The following ALKAL2 variants were observed in gnomAD, a reference collection of about 807,000 sequenced individuals.
ALKAL2 encodes ALK and LTK ligand 2, also known as AUG-alpha.
Under a neutral mutation model 18.5 loss-of-function variants are expected in ALKAL2, and 8 were observed. That is an observed-to-expected ratio of 0.43 (90% CI 0.25 to 0.78). The LOEUF is 0.78. Among genes scored for constraint, ALKAL2 ranks in the 30% least tolerant of loss-of-function variants. The pLI, the probability that ALKAL2 is intolerant of heterozygous loss-of-function variation, is 0.22. For missense variants in ALKAL2, 241 were observed against 211.2 expected (o/e 1.14, Z -0.88); for synonymous variants, 135 against 95.8 (o/e 1.41, Z -2.39).
In ALKAL2 at chr2:287,757, C is replaced by T. The variant is rs757526362; in HGVS notation, c.79G>A (p.Glu27Lys). 38 of 1,440,922 alleles carry T rather than the reference C, an allele frequency of 2.6e-5. No homozygotes were observed. The South Asian group carries it at 5.2e-4, about 20-fold the overall frequency. The allele number at this position is 1,440,922 out of a possible 1,614,324, so 89.3% of individuals were successfully genotyped here. A position where few individuals can be genotyped will look rare whatever the true frequency, so the allele number is the denominator to read the frequency against. Residue 27 changes from glutamate to lysine, a missense_variant, in exon 2 of 6, where the codon GAG becomes AAG. By Grantham distance (56) the Glu-to-Lys change is moderately conservative. Coordinates refer to ENST00000403610, the MANE Select transcript of ALKAL2 (RefSeq NM_001002919.3). The stretch of plus-strand genomic sequence containing the variant: ...TGTCCGTCCGCCGGCTCCCGGGGCT[C>T]CGCGCCCCCCCGGCCGCGCCCCGCC... ...GAAGRGRGGA[E>K]PREPADGQAL...
At position 283,097 on chromosome 2, in the gene ALKAL2, C is replaced by G. The variant is rs772381275; in HGVS notation, c.453+14G>C. 3.7e-6 allele frequency: 6 copies of G among 1,607,906 alleles called. No individual in the cohort carries two copies. The highest frequency in any genetic ancestry group is 3.4e-5 in the South Asian group (3 of 89,310). ...CTTTGGTATGTGCTCCAGTGTGTGT[C>G]TGTCCAAGCTTACCTTATCCTCCAT... is the stretch of plus-strand genomic sequence containing the variant. On this transcript the variant is annotated intron_variant, in intron 5 of 5. Transcript: ENST00000403610.
chr2:287,508 T>G lies in ALKAL2; in HGVS notation c.253+75A>C, dbSNP rs531608369. On this transcript the variant is annotated intron_variant, in intron 2 of 5. Transcript: ENST00000403610. ...TTCAGTGGTCAAAATTGATGTCTCT[T>G]TTTGAAACGTGTTTCTCAAAGACAA... is the stretch of plus-strand genomic sequence containing the variant. 4 of 1,158,252 alleles carry G rather than the reference T, an allele frequency of 3.5e-6. No individual in the cohort carries two copies. The African/African-American group carries it at 6.5e-5, about 19-fold the overall frequency. The allele number at this position is 1,158,252 out of a possible 1,614,324, so 71.7% of individuals were successfully genotyped here.
Position 279,967 on chromosome 2 carries a change from A to G in ALKAL2, c.*180T>C, listed in dbSNP as rs1411754145. The G allele has an allele frequency of 4.5e-6, 3 of 660,548 alleles. No homozygotes were observed. Among genetic ancestry groups the G allele is most frequent in the Non-Finnish European group, 8.2e-6 (3 of 365,116 alleles). The allele number at this position is 660,548 out of a possible 1,614,324, so 40.9% of individuals were successfully genotyped here. A position where few individuals can be genotyped will look rare whatever the true frequency, so the allele number is the denominator to read the frequency against. ...ATAACACTGTCAAGTACACTGATTT[A>G]TCGAATATATATCTGCAAACTGTCA... On this transcript the variant is annotated 3_prime_UTR_variant, in exon 6 of 6. Coordinates refer to ENST00000403610, the MANE Select transcript of ALKAL2 (RefSeq NM_001002919.3).
In ALKAL2 at chr2:287,625, C is replaced by A; in HGVS notation, c.211G>T (p.Ala71Ser). 1 of 1,478,276 alleles carries A rather than the reference C, an allele frequency of 6.8e-7. No homozygotes were observed. The highest frequency in any genetic ancestry group is 8.9e-7 in the Non-Finnish European group (1 of 1,120,536). 91.6% of individuals were successfully genotyped at this position (1,478,276 alleles called of 1,614,324 possible). A position where few individuals can be genotyped will look rare whatever the true frequency, so the allele number is the denominator to read the frequency against. Residue 71 changes from alanine to serine, a missense_variant, in exon 2 of 6, where the codon GCG becomes TCG. By Grantham distance (99) the Ala-to-Ser change is moderately conservative. Transcript: ENST00000403610. ...LLGRDCALGR[A>S]EAAGLGPSPE... ...GAAGGCCCCAGCCCCGCCGCCTCCGCGCGGCCCAGGGCGCAGTCCCGCCCG... is the reference window on the plus strand; with the variant it reads ...GAAGGCCCCAGCCCCGCCGCCTCCGAGCGGCCCAGGGCGCAGTCCCGCCCG...
Position 287,748 on chromosome 2 carries a change from C to G in ALKAL2, c.88G>C (p.Glu30Gln). 2 of 1,450,750 alleles carry G rather than the reference C, an allele frequency of 1.4e-6. No individual in the cohort carries two copies. The highest frequency in any genetic ancestry group is 1.4e-5 in the South Asian group (1 of 73,788). The allele number at this position is 1,450,750 out of a possible 1,614,324, so 89.9% of individuals were successfully genotyped here. Residue 30 changes from glutamate to glutamine, a missense_variant, in exon 2 of 6, where the codon GAG becomes CAG. By Grantham distance (29) the Glu-to-Gln change is conservative. Coordinates refer to ENST00000403610, the MANE Select transcript of ALKAL2 (RefSeq NM_001002919.3). The part of the protein sequence containing the change: ...GRGRGGAEPR[E>Q]PADGQALLRL... ...AGCAGCGCCTGTCCGTCCGCCGGCT[C>G]CCGGGGCTCCGCGCCCCCCCGGCCG...
In ALKAL2 at chr2:286,270, G is replaced by A. The variant is rs761593303; in HGVS notation, c.307+20C>T. 32 of 1,611,440 alleles carry A rather than the reference G, an allele frequency of 2.0e-5. No homozygotes were observed. The highest frequency in any genetic ancestry group is 3.3e-4 in the Middle Eastern group (2 of 6,056). On this transcript the variant is annotated intron_variant, in intron 3 of 5. Transcript: ENST00000403610. ...TGAAAAGGAGCTCTGGGAGACGTGA[G>A]GAACGAGGAGAAAACTTACCTGTAA...
chr2:284,895 T>C (rs992353341), intron 4 of ALKAL2, among the ~76,000 whole-genome samples: 3 of 152,188 alleles, frequency 2.0e-5, no homozygotes, highest in Admixed American at 2.0e-4. Context: ...AAGAGCCACA[T>C]TAATGATTCC....
intron 4 of ALKAL2, 86 bp downstream of exon 4, chr2:286,037 C>T: frequency 8.5e-7 from 1 of 1,183,266 alleles, no homozygotes; most frequent in Non-Finnish European, 1.2e-6. Flanking sequence ...GCTAAGAAGG[C>T]AGGGGCCTAT....
rs964783201 is a variant in ALKAL2 at position 279,882 on chromosome 2, T to A, written c.*265A>T. 2.3e-6 allele frequency: 1 copy of A among 439,776 alleles called. No individual in the cohort carries two copies. The highest frequency in any genetic ancestry group is 3.7e-5 in the Admixed American group (1 of 27,022). 27.2% of individuals were successfully genotyped at this position (439,776 alleles called of 1,614,324 possible). A position where few individuals can be genotyped will look rare whatever the true frequency, so the allele number is the denominator to read the frequency against. On this transcript the variant is annotated 3_prime_UTR_variant, in exon 6 of 6. Coordinates refer to ENST00000403610, the MANE Select transcript of ALKAL2 (RefSeq NM_001002919.3). ...AGACAATGAAATATTCTGTGTTTTATAGCACTACACGTCAAATGTGGAGCA... is the reference window on the plus strand; with the variant it reads ...AGACAATGAAATATTCTGTGTTTTAAAGCACTACACGTCAAATGTGGAGCA...
chr2:283,307 T>C, intron 4 of ALKAL2, 132 bp from the exon 5 acceptor site: 1 of 1,455,938 alleles, frequency 6.9e-7, no homozygotes, highest in South Asian at 1.4e-5. Flanking sequence ...CAATACGGAG[T>C]CTAATCTGCA....
chr2:280,741 T>C (rs1321181476), intron 5 of ALKAL2, among the ~76,000 whole-genome samples: 1 of 152,162 alleles, frequency 6.6e-6, no homozygotes, highest in African/African-American at 2.4e-5. Context: ...ATGAAGTGTA[T>C]CTGTGACTGT....
chr2:288,013 C>T lies in ALKAL2; in HGVS notation c.-58G>A, dbSNP rs2103087639. The T allele has an allele frequency of 4.1e-6, 5 of 1,227,138 alleles. No individual in the cohort carries two copies. Among genetic ancestry groups the T allele is most frequent in the Non-Finnish European group, 4.1e-6 (4 of 986,512 alleles). The allele number at this position is 1,227,138 out of a possible 1,614,324, so 76.0% of individuals were successfully genotyped here. Reference sequence around the variant, plus strand: ...GCTGGCGCTGGACCCGGCCCCTCACCTCCGCGGACCCCGAGGAACAAGCCG... The same window carrying T: ...GCTGGCGCTGGACCCGGCCCCTCACTTCCGCGGACCCCGAGGAACAAGCCG... On this transcript the variant is annotated splice_region_variant and 5_prime_UTR_variant, in exon 1 of 6. Coordinates refer to ENST00000403610, the MANE Select transcript of ALKAL2 (RefSeq NM_001002919.3).
At chr2:280,826 G>T (rs1399828072) in intron 5 of ALKAL2, among the ~76,000 whole-genome samples, 2 of 152,244 alleles carry the variant, frequency 1.3e-5, no homozygotes, top group Non-Finnish European at 2.9e-5. Flanking sequence ...CGCGGCAAAT[G>T]GATTTGCTCT....
Position 287,636 on chromosome 2 carries a change from G to A in ALKAL2, c.200C>T (p.Ala67Val), listed in dbSNP as rs1398136477. The change falls in exon 2 of 6, where the codon GCC (alanine) becomes GTC (valine). Residue 67 changes from alanine (A) to valine (V), a missense_variant. Ala to Val is a moderately conservative substitution (Grantham distance 64). Transcript: ENST00000403610. The stretch of plus-strand genomic sequence containing the variant: ...CCCCGCCGCCTCCGCGCGGCCCAGG[G>A]CGCAGTCCCGCCCGAGGAGCTGCAG... ...KGLQLLGRDCALGRAEAAGLG... is the reference protein window; with the variant it reads ...KGLQLLGRDCVLGRAEAAGLG... 6.7e-7 allele frequency: 1 copy of A among 1,481,756 alleles called. No individual in the cohort carries two copies. Among genetic ancestry groups the A allele is most frequent in the Admixed American group, 2.3e-5 (1 of 43,024 alleles). 91.8% of individuals were successfully genotyped at this position (1,481,756 alleles called of 1,614,324 possible).
In ALKAL2 at chr2:287,574, C is replaced by G; in HGVS notation, c.253+9G>C. On this transcript the variant is annotated intron_variant, in intron 2 of 5. Transcript: ENST00000403610. ...GCCCCGGCCCTCGGGCGCGCTCGGC[C>G]CCACTCACCCACTCGCTGCTCCGGC... 1 of 1,417,214 alleles carries G rather than the reference C, an allele frequency of 7.1e-7. No homozygotes were observed. The highest frequency in any genetic ancestry group is 1.5e-5 in the South Asian group (1 of 67,460). 87.8% of individuals were successfully genotyped at this position (1,417,214 alleles called of 1,614,324 possible).
chr2:283,852 A>G (rs1210813524), intron 4 of ALKAL2, among the ~76,000 whole-genome samples: 1 of 152,228 alleles, frequency 6.6e-6, no homozygotes, highest in Non-Finnish European at 1.5e-5. Flanking sequence ...TTATTTCTCA[A>G]TAACAAAATC....
At chr2:283,002 G>T in intron 5 of ALKAL2, 109 bp downstream of exon 5, 3 of 1,151,538 alleles carry the variant, frequency 2.6e-6, no homozygotes, top group Non-Finnish European at 3.7e-6. Flanking sequence ...TTAGAATATG[G>T]CTACTTCAGC....
chr2:287,475 T>G, intron 2 of ALKAL2, 108 bp downstream of exon 2: 2 of 492,984 alleles, frequency 4.1e-6, no homozygotes, highest in Non-Finnish European at 6.3e-6. Flanking sequence ...AAAAAAGGAA[T>G]CCTGCTGTTC....
chr2:284,519 A>G (rs1230369754), intron 4 of ALKAL2, among the ~76,000 whole-genome samples: 1 of 152,192 alleles, frequency 6.6e-6, no homozygotes, highest in African/African-American at 2.4e-5. Context: ...AGAAAGCAAC[A>G]AAGTGGCCAC....
Sources: gnomAD v4.1 joint callset for allele counts (sites outside exome capture counted in the v4.1 genomes callset) on GRCh38, gnomAD v4.1.1 for gene constraint, MANE v1.5 for transcripts, NCBI Gene and HGNC (gene_info 2026-07-23, HGNC 2026-07-21) for gene names.